The following MLYCD variants were observed in gnomAD, a reference collection of about 807,000 sequenced individuals.
The protein encoded by MLYCD is malonyl-CoA decarboxylase.
In MLYCD, 27 loss-of-function variants were observed where a neutral mutation model predicts 35.8. The ratio of observed to expected loss-of-function variants is 0.75; its 90% CI spans 0.56 to 1.04. The LOEUF (loss-of-function observed/expected upper bound fraction) is 1.04, where lower values mean the gene tolerates loss of function less well. Ranked by LOEUF, MLYCD falls within the 50% of genes least tolerant of loss-of-function variation. The pLI is 0.00. For missense variants in MLYCD, 917 were observed against 665.1 expected (o/e 1.38, Z -4.17); for synonymous variants, 403 against 302.4 (o/e 1.33, Z -3.45).
chr16:83,911,584 C>G (rs1349800906), intron 3 of MLYCD: 3 of 154,050 alleles, frequency 1.9e-5, no homozygotes, highest in African/African-American at 7.2e-5. Flanking sequence ...AGCTAAGCGA[C>G]TTCCCAGTCT....
chr16:83,911,205 C>T (rs1039325804), intron 3 of MLYCD, among the ~76,000 whole-genome samples: 4 of 152,134 alleles, frequency 2.6e-5, no homozygotes, highest in African/African-American at 9.7e-5. Context: ...GTCTCGATCT[C>T]CTGACCTCGT....
intron 3 of MLYCD, chr16:83,911,748 GAGAAATTTGAAAAACCT>G (rs1907187424): frequency 4.8e-6 from 1 of 206,608 alleles, no homozygotes; most frequent in South Asian, 8.2e-5. Flanking sequence ...ATAGCCTCTT[GAGAAATTTGAAAAACCT>G]AGGGTTCAGA....
At position 83,915,330 on chromosome 16, in the gene MLYCD, C is replaced by CA. The variant is rs1907339998; in HGVS notation, c.1324dup (p.Arg442LysfsTer37). 2 of 1,613,932 alleles carry CA rather than the reference C, an allele frequency of 1.2e-6. No individual in the cohort carries two copies. The highest frequency in any genetic ancestry group is 1.7e-6 in the Non-Finnish European group (2 of 1,180,044). ...TCAACTGGATGGCGGATGTGAGCCT[C>CA]AGAGGCATCACCGGCTCCTGCGGCC... On this transcript the variant is annotated frameshift_variant, in exon 5 of 5. Coordinates refer to ENST00000262430, the MANE Select transcript of MLYCD (RefSeq NM_012213.3). LOFTEE classifies it high-confidence loss of function.
chr16:83,910,546 C>T (rs1025702378), intron 3 of MLYCD, among the ~76,000 whole-genome samples: 3 of 151,908 alleles, frequency 2.0e-5, no homozygotes, highest in South Asian at 2.1e-4. Flanking sequence ...AAAAATTAGC[C>T]GGGTGTGGTG....
rs754346991 is a variant in MLYCD at position 83,906,975 on chromosome 16, TCTC to T, written c.529-9_529-7del. 1 of 1,611,504 alleles carries T rather than the reference TCTC, an allele frequency of 6.2e-7. No homozygotes were observed. The highest frequency in any genetic ancestry group is 8.5e-7 in the Non-Finnish European group (1 of 1,177,642). Reference sequence around the variant, plus strand: ...CACATTGGAGGCCTGGGATTTATCTTCTCCTTTTCAGGAAATGAATGGGGTGCT... The same window carrying T: ...CACATTGGAGGCCTGGGATTTATCTTCTTTTCAGGAAATGAATGGGGTGCT... On this transcript the variant is annotated splice_polypyrimidine_tract_variant and intron_variant, in intron 1 of 4. Transcript: ENST00000262430.
At position 83,923,319 on chromosome 16, in the gene MLYCD, A is replaced by T. The variant is rs73245074; in HGVS notation, c.*7830A>T. The stretch of plus-strand genomic sequence containing the variant: ...CGAGCAAACACCTCTGTGATTTCCA[A>T]TTGGATTCTGAGGCGCTTACAGAAA... On this transcript the variant is annotated 3_prime_UTR_variant, in exon 5 of 5. Transcript: ENST00000262430. 1,126 of 152,332 alleles carry T rather than the reference A, an allele frequency of 7.4e-3. 10 individuals carry two copies. The highest frequency in any genetic ancestry group is 0.026 in the African/African-American group (1,085 of 41,580). 9.4% of individuals were successfully genotyped at this position (152,332 alleles called of 1,614,324 possible).
In MLYCD at chr16:83,915,273, C is replaced by T. The variant is rs1907336043; in HGVS notation, c.1266C>T (p.Phe422=). 3 of 1,612,316 alleles carry T rather than the reference C, an allele frequency of 1.9e-6. No homozygotes were observed. The highest frequency in any genetic ancestry group is 2.5e-6 in the Non-Finnish European group (3 of 1,178,486). The part of the protein sequence containing the change: ...RGYALNPVAN[F]HLQNGAVLWR... ...ACGCGCTGAACCCCGTGGCCAACTT[C>T]CACCTGCAGAACGGGGCGGTGCTGT... The change falls in exon 5 of 5, where the codon TTC becomes TTT. Residue 422 remains phenylalanine, a synonymous_variant. Coordinates refer to ENST00000262430, the MANE Select transcript of MLYCD (RefSeq NM_012213.3).
Position 83,918,951 on chromosome 16 carries a change from AC to A in MLYCD, c.*3463del, listed in dbSNP as rs1480790954. ...ACAGTTCACAGGAGAACACGCACAC[AC>A]AGTGCATAGAGCACAGACACAGTGC... On this transcript the variant is annotated 3_prime_UTR_variant, in exon 5 of 5. Coordinates refer to ENST00000262430, the MANE Select transcript of MLYCD (RefSeq NM_012213.3). 6.7e-6 allele frequency: 1 copy of A among 150,122 alleles called. No homozygotes were observed. The highest frequency in any genetic ancestry group is 1.5e-5 in the Non-Finnish European group (1 of 67,876). 9.3% of individuals were successfully genotyped at this position (150,122 alleles called of 1,614,324 possible).
In MLYCD at chr16:83,917,050, CTG is replaced by C. The variant is rs540543891; in HGVS notation, c.*1566_*1567del. 11 of 98,020 alleles carry C rather than the reference CTG, an allele frequency of 1.1e-4. No homozygotes were observed. The highest frequency in any genetic ancestry group is 4.5e-4 in the Admixed American group (4 of 8,984). 6.1% of individuals were successfully genotyped at this position (98,020 alleles called of 1,614,324 possible). On this transcript the variant is annotated 3_prime_UTR_variant, in exon 5 of 5. Transcript: ENST00000262430. ...TCTGTGTGCGTGTGCACAAGCGTCT[CTG>C]TGTGGATCAGTGCACGTCTGTGTGC... is the stretch of plus-strand genomic sequence containing the variant.
Position 83,925,275 on chromosome 16 carries a change from T to C in MLYCD, c.*9786T>C. On this transcript the variant is annotated 3_prime_UTR_variant, in exon 5 of 5. Coordinates refer to ENST00000262430, the MANE Select transcript of MLYCD (RefSeq NM_012213.3). ...CCTCCAAAACCTGGCCTCCTCCAGC[T>C]GTTCCTTCCTGGCGAGGCCACCTCC... is the stretch of plus-strand genomic sequence containing the variant. The C allele has an allele frequency of 6.5e-6, 1 of 152,714 alleles. No homozygotes were observed. The highest frequency in any genetic ancestry group is 1.5e-5 in the Non-Finnish European group (1 of 68,340). The allele number at this position is 152,714 out of a possible 1,614,324, so 9.5% of individuals were successfully genotyped here.
rs1321132347 is a variant in MLYCD at position 83,914,939 on chromosome 16, C to T, written c.949-17C>T. 1 of 1,614,178 alleles carries T rather than the reference C, an allele frequency of 6.2e-7. No homozygotes were observed. Among genetic ancestry groups the T allele is most frequent in the Admixed American group, 1.7e-5 (1 of 60,030 alleles). On this transcript the variant is annotated splice_polypyrimidine_tract_variant and intron_variant, in intron 4 of 4. Transcript: ENST00000262430. The stretch of plus-strand genomic sequence containing the variant: ...TGTTTTCTCCGCCTTCCTTTCCACC[C>T]CAACCATGCTTTACAGAGAGAGTTT...
At chr16:83,904,190 C>T (rs1406220149) in intron 1 of MLYCD, among the ~76,000 whole-genome samples, 1 of 143,812 alleles carries the variant, frequency 7.0e-6, no homozygotes, top group East Asian at 1.9e-4. Context: ...CAGCTTTTTT[C>T]ATATCACGAA....
rs1165828240 is a variant in MLYCD, at chr16:83,921,022, G to A, written c.*5533G>A. 1 of 150,544 alleles carries A rather than the reference G, an allele frequency of 6.6e-6. No individual in the cohort carries two copies. The highest frequency in any genetic ancestry group is 2.0e-4 in the East Asian group (1 of 5,030). 9.3% of individuals were successfully genotyped at this position (150,544 alleles called of 1,614,324 possible). On this transcript the variant is annotated 3_prime_UTR_variant, in exon 5 of 5. Transcript: ENST00000262430. ...GAAGATGGGTGGATGGATGGTGGAGGGTGGATAGAAGGAAGATGGGTATAT... is the reference window on the plus strand; with the variant it reads ...GAAGATGGGTGGATGGATGGTGGAGAGTGGATAGAAGGAAGATGGGTATAT...
intron 1 of MLYCD, among the ~76,000 whole-genome samples, chr16:83,900,856 A>G (rs749319188): frequency 3.3e-5 from 5 of 152,216 alleles, no homozygotes; most frequent in Non-Finnish European, 7.3e-5. Context: ...AAAGGAGAAC[A>G]TGCTGAGGTT....
Position 83,922,790 on chromosome 16 carries a change from C to T in MLYCD, c.*7301C>T, listed in dbSNP as rs1283207194. The T allele has an allele frequency of 6.6e-6, 1 of 152,272 alleles. No homozygotes were observed. The highest frequency in any genetic ancestry group is 1.5e-5 in the Non-Finnish European group (1 of 68,070). The allele number at this position is 152,272 out of a possible 1,614,324, so 9.4% of individuals were successfully genotyped here. A position where few individuals can be genotyped will look rare whatever the true frequency, so the allele number is the denominator to read the frequency against. On this transcript the variant is annotated 3_prime_UTR_variant, in exon 5 of 5. Coordinates refer to ENST00000262430, the MANE Select transcript of MLYCD (RefSeq NM_012213.3). ...CTCACCTGAATGCGGGTTCTGGGAT[C>T]TTTCAGTCCTTATTTGGATATTTGA...
At chr16:83,912,437 T>C in intron 4 of MLYCD, 70 bp downstream of exon 4, 7 of 1,594,078 alleles carry the variant, frequency 4.4e-6, no homozygotes, top group Non-Finnish European at 6.0e-6. Flanking sequence ...CCTCGTGGGG[T>C]GTCAGGTGCC....
rs3815806 is a variant in MLYCD, at chr16:83,906,979, C to T, written c.529-8C>T. On this transcript the variant is annotated splice_polypyrimidine_tract_variant and splice_region_variant and intron_variant, in intron 1 of 4. Coordinates refer to ENST00000262430, the MANE Select transcript of MLYCD (RefSeq NM_012213.3). ...TTGGAGGCCTGGGATTTATCTTCTC[C>T]TTTTCAGGAAATGAATGGGGTGCTG... 0.023 allele frequency: 37,051 copies of T among 1,612,944 alleles called. 1,753 individuals are homozygous for T. The highest frequency in any genetic ancestry group is 0.19 in the African/African-American group (14,082 of 74,914).
At chr16:83,912,192 T>G (rs199735104) in intron 3 of MLYCD, 26 bp from the exon 4 acceptor site, 66 of 1,614,076 alleles carry the variant, frequency 4.1e-5, no homozygotes, top group Admixed American at 3.5e-4. Flanking sequence ...CAGGCCACCC[T>G]TAGAACCATC....
chr16:83,910,014 G>A (rs1048379589), intron 3 of MLYCD, among the ~76,000 whole-genome samples: 3 of 152,044 alleles, frequency 2.0e-5, no homozygotes, highest in African/African-American at 4.8e-5. Flanking sequence ...AAGTAAGGGC[G>A]GAACTGGAAT....
Sources: allele counts gnomAD v4.1 joint callset (sites outside exome capture counted in the v4.1 genomes callset), GRCh38; gene constraint gnomAD v4.1.1; transcripts MANE v1.5; gene names NCBI Gene and HGNC (gene_info 2026-07-23, HGNC 2026-07-21).